The following DCDC2 variants were observed in gnomAD, a reference collection of about 807,000 sequenced individuals.
DCDC2 encodes the protein doublecortin domain-containing protein 2.
In DCDC2, 40 loss-of-function variants were observed where a neutral mutation model predicts 50.2. That is an observed-to-expected ratio of 0.80 (90% CI 0.62 to 1.04). The LOEUF (loss-of-function observed/expected upper bound fraction) is 1.04, where lower values mean the gene tolerates loss of function less well. Among genes scored for constraint, DCDC2 ranks in the 50% least tolerant of loss-of-function variants. The pLI, the probability that DCDC2 is intolerant of heterozygous loss-of-function variation, is 0.00. For synonymous variants in DCDC2, 234 were observed against 210.6 expected (o/e 1.11, Z -0.96); for missense variants, 570 against 581.9 (o/e 0.98, Z 0.21).
At chr6:24,188,063 T>C (rs1487997036) in intron 8 of DCDC2, among the ~76,000 whole-genome samples, 1 of 152,220 alleles carries the variant, frequency 6.6e-6, no homozygotes, top group Non-Finnish European at 1.5e-5. Flanking sequence ...ATTCAATGTA[T>C]GTTCAAGAGT....
At chr6:24,235,937 C>T (rs1190874932) in intron 7 of DCDC2, among the ~76,000 whole-genome samples, 1 of 152,132 alleles carries the variant, frequency 6.6e-6, no homozygotes, top group Non-Finnish European at 1.5e-5. Flanking sequence ...AACTACACTG[C>T]TGAAAGAAAT....
chr6:24,353,564 A>G lies in DCDC2; in HGVS notation c.348+5T>C. ...TTTGAATTTTCAAAATAATATTTGC[A>G]TTACCTCTGTATTAACAACTTCCAT... On this transcript the variant is annotated splice_donor_5th_base_variant and intron_variant, in intron 2 of 9. Coordinates refer to ENST00000378454, the MANE Select transcript of DCDC2 (RefSeq NM_016356.5). 1 of 1,547,618 alleles carries G rather than the reference A, an allele frequency of 6.5e-7. No homozygotes were observed. The highest frequency in any genetic ancestry group is 8.8e-7 in the Non-Finnish European group (1 of 1,132,966).
chr6:24,298,046 G>T (rs189551822), intron 4 of DCDC2, among the ~76,000 whole-genome samples: 1 of 152,378 alleles, frequency 6.6e-6, no homozygotes, highest in Non-Finnish European at 1.5e-5. Flanking sequence ...TGGTTTTGCG[G>T]AAGATAATTT....
chr6:24,226,976 T>C (rs948169949), intron 7 of DCDC2, among the ~76,000 whole-genome samples: 2 of 152,192 alleles, frequency 1.3e-5, no homozygotes, highest in African/African-American at 4.8e-5. Flanking sequence ...CTGGGAGATT[T>C]GGAGTGTAGA....
intron 2 of DCDC2, among the ~76,000 whole-genome samples, chr6:24,318,094 C>T (rs1231335952): frequency 6.6e-6 from 1 of 152,042 alleles, no homozygotes; most frequent in Non-Finnish European, 1.5e-5. Context: ...TTAGCAATGT[C>T]TAACAAAACT....
At chr6:24,182,544 GAA>G (rs1184299095) in intron 8 of DCDC2, among the ~76,000 whole-genome samples, 2 of 138,626 alleles carry the variant, frequency 1.4e-5, no homozygotes, top group African/African-American at 5.2e-5. Context: ...ATAATCACAT[GAA>G]AAGATTGTCA....
intron 7 of DCDC2, among the ~76,000 whole-genome samples, chr6:24,221,541 G>GACGAC: frequency 6.6e-6 from 1 of 152,322 alleles, no homozygotes; most frequent in East Asian, 1.9e-4. Flanking sequence ...ACAGAGAGGA[G>GACGAC]ACGACACTGT....
At chr6:24,381,959 A>AGGAAGGAAGGAAGGAAGGAAG in the DCDC2 span, among the ~76,000 whole-genome samples, 2 of 103,578 alleles carry the variant, frequency 1.9e-5, no homozygotes, top group African/African-American at 3.5e-5. Flanking sequence ...AAGGAAAGAA[A>AGGAAGGAAGGAAGGAAGGAAG]GAAGGAAGGA....
At chr6:24,281,645 A>C (rs1763474818) in intron 6 of DCDC2, among the ~76,000 whole-genome samples, 1 of 152,114 alleles carries the variant, frequency 6.6e-6, no homozygotes, top group Non-Finnish European at 1.5e-5. Context: ...TAAATTATAC[A>C]TAGTTAGAGA....
intron 7 of DCDC2, among the ~76,000 whole-genome samples, chr6:24,220,873 A>AGC: frequency 7.0e-6 from 1 of 143,772 alleles, no homozygotes; most frequent in East Asian, 2.0e-4. Flanking sequence ...AGAGAGCAAG[A>AGC]GAGCGAGAGC....
In DCDC2 at chr6:24,357,790, C is replaced by T; in HGVS notation, c.-40G>A. ...GCCGCCTCAGCTCGCTGCTTCGCGT[C>T]GGGAGGCACCTCCGCTGTCCCAGCG... On this transcript the variant is annotated 5_prime_UTR_variant, in exon 1 of 10. Transcript: ENST00000378454. 3.7e-6 allele frequency: 6 copies of T among 1,611,754 alleles called. No homozygotes were observed. Among genetic ancestry groups the T allele is most frequent in the South Asian group, 1.1e-5 (1 of 90,968 alleles).
chr6:24,221,501 T>A (rs1762117197), intron 7 of DCDC2, among the ~76,000 whole-genome samples: 1 of 152,202 alleles, frequency 6.6e-6, no homozygotes, highest in African/African-American at 2.4e-5. Flanking sequence ...ACCCTAACAG[T>A]ACCACATGAC....
chr6:24,184,006 C>T (rs995279357), intron 8 of DCDC2, among the ~76,000 whole-genome samples: 7 of 152,198 alleles, frequency 4.6e-5, no homozygotes, highest in Admixed American at 3.9e-4. Flanking sequence ...CGCAGCATTT[C>T]ATGCAACTCT....
chr6:24,359,353 T>TTA (rs374359637), upstream of DCDC2, among the ~76,000 whole-genome samples: 89 of 60,992 alleles, frequency 1.5e-3, 3 homozygotes, highest in African/African-American at 4.7e-3. Context: ...TATATATATT[T>TTA]TATGTATATT....
intron 8 of DCDC2, among the ~76,000 whole-genome samples, chr6:24,198,491 CCA>C (rs1186644121): frequency 1.3e-5 from 2 of 152,212 alleles, no homozygotes; most frequent in African/African-American, 4.8e-5. Context: ...TACATTTTCC[CCA>C]CAGTCTTTGT....
chr6:24,349,840 A>G (rs1421362825), intron 2 of DCDC2, among the ~76,000 whole-genome samples: 2 of 152,198 alleles, frequency 1.3e-5, no homozygotes, highest in African/African-American at 2.4e-5. Context: ...CTGTTTATTT[A>G]GATATTAGTA....
chr6:24,339,144 G>A lies in DCDC2; in HGVS notation c.348+14425C>T, dbSNP rs566516196. 2.0e-5 allele frequency among the ~76,000 whole-genome samples: 3 copies of A among 151,952 alleles called. No homozygotes were observed. The East Asian group carries it at 5.8e-4, about 30-fold the overall frequency. On this transcript the variant is annotated intron_variant, in intron 2 of 9. Transcript: ENST00000378454. ...CTCTCATCTGCAGACATTCACACATGTCATCTCCTTTGCCTGCAATGCTCT... is the reference window on the plus strand; with the variant it reads ...CTCTCATCTGCAGACATTCACACATATCATCTCCTTTGCCTGCAATGCTCT...
At chr6:24,360,198 G>A (rs1284977797), upstream of DCDC2, among the ~76,000 whole-genome samples, 1 of 152,250 alleles carries the variant, frequency 6.6e-6, no homozygotes, top group African/African-American at 2.4e-5. Context: ...AGTGAACCAG[G>A]CCTGGCTTGC....
At chr6:24,188,489 A>G (rs1761249526) in intron 8 of DCDC2, among the ~76,000 whole-genome samples, 1 of 152,212 alleles carries the variant, frequency 6.6e-6, no homozygotes, top group Non-Finnish European at 1.5e-5. Context: ...TTAAGAGTCA[A>G]TGTCATAAAA....
Sources: gnomAD v4.1 joint callset for allele counts (sites outside exome capture counted in the v4.1 genomes callset) on GRCh38, gnomAD v4.1.1 for gene constraint, MANE v1.5 for transcripts, NCBI Gene and HGNC (gene_info 2026-07-23, HGNC 2026-07-21) for gene names.